Variants in PRKCZ observed in about 807,000 individuals in gnomAD.
PRKCZ encodes the protein protein kinase C zeta type.
PRKCZ carries 33 observed loss-of-function variants against 79.5 expected under a neutral mutation model. That is an observed-to-expected ratio of 0.41 (90% CI 0.31 to 0.55). PRKCZ has a LOEUF of 0.55. Ranked by LOEUF, PRKCZ falls within the 20% of genes least tolerant of loss-of-function variation. PRKCZ has a pLI of 0.19. For synonymous variants in PRKCZ, 342 were observed against 320.9 expected (o/e 1.07, Z -0.70); for missense variants, 578 against 813.5 (o/e 0.71, Z 3.52).
At chr1:2,155,016 G>GCA (rs1680652395) in intron 9 of PRKCZ, among the ~76,000 whole-genome samples, 1 of 152,222 alleles carries the variant, frequency 6.6e-6, no homozygotes. Context: ...AACTGTTAGG[G>GCA]CAAAGCCTGG....
At position 2,127,694 on chromosome 1, in the gene PRKCZ, C is replaced by T. The variant is rs750830472; in HGVS notation, c.335-7568C>T. Among the ~76,000 whole-genome samples the T allele has an allele frequency of 3.9e-5, 6 of 152,216 alleles. No homozygotes were observed. The highest frequency in any genetic ancestry group is 2.0e-4 in the Admixed American group (3 of 15,286). Reference sequence around the variant, plus strand: ...AGGCAAATAGGCGAACGGCGTCTCCCGCGGCTCCCGGTGGCTTTTTAGGAC... The same window carrying T: ...AGGCAAATAGGCGAACGGCGTCTCCTGCGGCTCCCGGTGGCTTTTTAGGAC... On this transcript the variant is annotated intron_variant, in intron 4 of 17. Transcript: ENST00000378567. This position sits in a 1 kb window ranked among gnomAD's most constrained non-coding sequence, Gnocchi z 5.1.
intron 5 of PRKCZ, chr1:2,143,864 G>C (rs1677916342): frequency 4.3e-6 from 1 of 233,312 alleles, no homozygotes; most frequent in Non-Finnish European, 8.7e-6. Flanking sequence ...GCTCTACGCA[G>C]AGCGCAGCAG....
In PRKCZ at chr1:2,171,787, G is replaced by T. The variant is rs1430443272; in HGVS notation, c.1062-268G>T. 2.8e-5 allele frequency: 13 copies of T among 457,498 alleles called. No homozygotes were observed. In the Admixed American group the frequency reaches 5.2e-4, roughly 18 times the overall value. 28.3% of individuals were successfully genotyped at this position (457,498 alleles called of 1,614,324 possible). A position where few individuals can be genotyped will look rare whatever the true frequency, so the allele number is the denominator to read the frequency against. On this transcript the variant is annotated intron_variant, in intron 11 of 17. Coordinates refer to ENST00000378567, the MANE Select transcript of PRKCZ (RefSeq NM_002744.6). The stretch of plus-strand genomic sequence containing the variant: ...CCGCATGGAAGCTGTCGTGTTATTT[G>T]CCCGCTCCTCCCCTTGTGGAGGCTG...
rs1417891651 is a variant in PRKCZ, at chr1:2,160,242, T to TGTG, written c.974+4151_974+4153dup. On this transcript the variant is annotated intron_variant, in intron 10 of 17. Transcript: ENST00000378567. ...AGCACTTCACCCAGCAGTGTGCGTGTGTGTGTGTGTGTGTGTGTGTGTGTG... is the reference window on the plus strand; with the variant it reads ...AGCACTTCACCCAGCAGTGTGCGTGTGTGGTGTGTGTGTGTGTGTGTGTGTGTG... 3.9e-4 allele frequency among the ~76,000 whole-genome samples: 32 copies of TGTG among 82,190 alleles called. 1 individual carries two copies. The highest frequency in any genetic ancestry group is 1.2e-3 in the African/African-American group (32 of 26,336). 53.9% of individuals were successfully genotyped at this position (82,190 alleles called of 152,430 possible). A position where few individuals can be genotyped will look rare whatever the true frequency, so the allele number is the denominator to read the frequency against.
At chr1:2,070,803 C>A (rs1661508051) in intron 4 of PRKCZ, among the ~76,000 whole-genome samples, 1 of 132,784 alleles carries the variant, frequency 7.5e-6, no homozygotes, top group Non-Finnish European at 1.6e-5. Flanking sequence ...CAGTCCTCGG[C>A]TGCGGGGGCC....
intron 4 of PRKCZ, among the ~76,000 whole-genome samples, chr1:2,076,755 A>G (rs1662497915): frequency 6.6e-6 from 1 of 152,066 alleles, no homozygotes; most frequent in Non-Finnish European, 1.5e-5. Flanking sequence ...AAAAAAAAAA[A>G]AAGGAAAAGC....
At chr1:2,116,964 G>C (rs956585117) in intron 4 of PRKCZ, among the ~76,000 whole-genome samples, 2 of 151,962 alleles carry the variant, frequency 1.3e-5, no homozygotes, top group Admixed American at 6.6e-5. Flanking sequence ...GGGGAGTTGC[G>C]GGGGGCAGAC....
chr1:2,116,250 T>C (rs1670733460), intron 4 of PRKCZ: 1 of 152,244 alleles, frequency 6.6e-6, no homozygotes, highest in South Asian at 2.1e-4. Context: ...GTCAGAGCCC[T>C]GCGTTGTCGC....
rs959715621 is a variant in PRKCZ, at chr1:2,174,904, G to A, written c.1485+71G>A. 3.2e-5 allele frequency: 48 copies of A among 1,494,424 alleles called. No homozygotes were observed. In the Middle Eastern group the frequency reaches 1.0e-3, roughly 32 times the overall value. The allele number at this position is 1,494,424 out of a possible 1,614,324, so 92.6% of individuals were successfully genotyped here. On this transcript the variant is annotated intron_variant, in intron 15 of 17. Transcript: ENST00000378567. This position sits in a 1 kb window ranked among gnomAD's most constrained non-coding sequence, Gnocchi z 6.2. ...GTTGGTGGGCAGAGGGCCAGGCACG[G>A]CTGTTGGCCATTTTTTCATGTCGGC... is the stretch of plus-strand genomic sequence containing the variant.
At chr1:2,088,150 C>T (rs1208038291) in intron 4 of PRKCZ, among the ~76,000 whole-genome samples, 6 of 152,148 alleles carry the variant, frequency 3.9e-5, no homozygotes, top group Admixed American at 2.0e-4. Flanking sequence ...TTAAGGAGGC[C>T]ACTCAGCAGT....
chr1:2,167,446 G>A (rs965599467), intron 10 of PRKCZ, among the ~76,000 whole-genome samples: 5 of 152,134 alleles, frequency 3.3e-5, no homozygotes, highest in East Asian at 1.9e-4. Context: ...CACAGAGGCC[G>A]TGGAGGCCCT....
intron 3 of PRKCZ, among the ~76,000 whole-genome samples, chr1:2,057,565 G>A (rs181142851): frequency 1.6e-4 from 25 of 152,244 alleles, no homozygotes; most frequent in African/African-American, 6.0e-4. Context: ...TATCAATGAG[G>A]CTCTAAATTT....
At position 2,180,399 on chromosome 1, in the gene PRKCZ, C is replaced by T. The variant is rs565521073; in HGVS notation, c.1576-4184C>T. ...CGCACAGACGACATGGACGCACAGA[C>T]GATGTGGATGCACGGACGACGTAGA... On this transcript the variant is annotated intron_variant, in intron 16 of 17. Coordinates refer to ENST00000378567, the MANE Select transcript of PRKCZ (RefSeq NM_002744.6). Among the ~76,000 whole-genome samples the T allele has an allele frequency of 5.3e-5, 8 of 152,060 alleles. No individual in the cohort carries two copies. The South Asian group carries it at 6.3e-4, about 12-fold the overall frequency.
intron 7 of PRKCZ, among the ~76,000 whole-genome samples, chr1:2,146,643 G>A (rs1409681762): frequency 6.6e-6 from 1 of 152,190 alleles, no homozygotes; most frequent in Non-Finnish European, 1.5e-5. Flanking sequence ...TGGACTTACA[G>A]CCCAGGTTTG....
Position 2,185,386 on chromosome 1 carries a change from T to C in PRKCZ, c.*377T>C, listed in dbSNP as rs1208099298. The C allele has an allele frequency of 1.4e-6, 1 of 718,652 alleles. No homozygotes were observed. Among genetic ancestry groups the C allele is most frequent in the Admixed American group, 2.0e-5 (1 of 50,014 alleles). 44.5% of individuals were successfully genotyped at this position (718,652 alleles called of 1,614,324 possible). ...CGTCCTGAGGAATAAAATGTTCCGA[T>C]GATGTGGAAGCTCCTCTGATGCCTT... On this transcript the variant is annotated 3_prime_UTR_variant, in exon 18 of 18. Transcript: ENST00000378567.
Position 2,082,459 on chromosome 1 carries a change from CTGTGAG to C in PRKCZ, c.334+22872_334+22877del, listed in dbSNP as rs1407029322. On this transcript the variant is annotated intron_variant, in intron 4 of 17. Coordinates refer to ENST00000378567, the MANE Select transcript of PRKCZ (RefSeq NM_002744.6). This position sits in a 1 kb window ranked among gnomAD's most constrained non-coding sequence, Gnocchi z 4.4. ...TTTGCATGGAGACTGTAATTTCATTCTGTGAGTGTAAGATCACGTCCGCGTTCCTAG... is the reference window on the plus strand; with the variant it reads ...TTTGCATGGAGACTGTAATTTCATTCTGTAAGATCACGTCCGCGTTCCTAG... 2.2e-6 allele frequency: 1 copy of C among 455,570 alleles called. No homozygotes were observed. The highest frequency in any genetic ancestry group is 7.0e-5 in the East Asian group (1 of 14,388). 28.2% of individuals were successfully genotyped at this position (455,570 alleles called of 1,614,324 possible). A position where few individuals can be genotyped will look rare whatever the true frequency, so the allele number is the denominator to read the frequency against.
At chr1:2,088,293 C>T (rs1248144419) in intron 4 of PRKCZ, among the ~76,000 whole-genome samples, 4 of 152,068 alleles carry the variant, frequency 2.6e-5, no homozygotes, top group East Asian at 1.9e-4. Context: ...CTGGATGGTG[C>T]GCCCCATGGG....
At chr1:2,061,412 TG>T (rs1179986742) in intron 4 of PRKCZ, among the ~76,000 whole-genome samples, 6 of 90,216 alleles carry the variant, frequency 6.7e-5, no homozygotes, top group Non-Finnish European at 1.4e-4. Flanking sequence ...AAGGGGAGGT[TG>T]GGGGGTCACA....
chr1:2,074,293 G>A (rs761284459), intron 4 of PRKCZ: 3 of 1,549,458 alleles, frequency 1.9e-6, no homozygotes, highest in Non-Finnish European at 1.7e-6. Context: ...GCCCAGGCCT[G>A]GTGGATGTGT....
Sources: gnomAD v4.1 joint callset for allele counts (sites outside exome capture counted in the v4.1 genomes callset) on GRCh38, gnomAD v4.1.1 for gene constraint, Gnocchi (gnomAD v3.1) non-coding constraint, MANE v1.5 for transcripts, NCBI Gene and HGNC (gene_info 2026-07-23, HGNC 2026-07-21) for gene names.